FBXL17: variants seen among roughly 807,000 people sequenced by gnomAD.
FBXL17 encodes the protein F-box/LRR-repeat protein 17.
A neutral mutation model predicts 66.2 loss-of-function variants in FBXL17; 22 were observed. The observed-to-expected ratio is 0.33, with a 90% confidence interval of 0.24 to 0.47. FBXL17 has a LOEUF of 0.47. Ranked by LOEUF, FBXL17 falls within the 20% of genes least tolerant of loss-of-function variation. The pLI is 1.00. For synonymous variants in FBXL17, 474 were observed against 400.5 expected (o/e 1.18, Z -2.19); for missense variants, 878 against 948.2 (o/e 0.93, Z 0.97).
intron 7 of FBXL17, among the ~76,000 whole-genome samples, chr5:107,905,011 C>T (rs893073037): frequency 1.2e-4 from 18 of 151,682 alleles, no homozygotes; most frequent in African/African-American, 4.1e-4. Flanking sequence ...AAGTGAGATT[C>T]CTAGCTTCCT....
At chr5:107,867,211 T>C (rs953668731) in intron 8 of FBXL17, among the ~76,000 whole-genome samples, 2 of 152,214 alleles carry the variant, frequency 1.3e-5, no homozygotes, top group Non-Finnish European at 2.9e-5. Context: ...CTTTGGGCTA[T>C]TGTCTTTTCC....
chr5:107,953,460 T>A (rs984609577), intron 7 of FBXL17, among the ~76,000 whole-genome samples: 5 of 151,214 alleles, frequency 3.3e-5, no homozygotes, highest in African/African-American at 9.7e-5. Flanking sequence ...TGACTAAATT[T>A]ACCCATCTAG....
intron 6 of FBXL17, among the ~76,000 whole-genome samples, chr5:108,087,529 T>C (rs1335412194): frequency 2.0e-5 from 3 of 152,122 alleles, no homozygotes; most frequent in Non-Finnish European, 4.4e-5. Context: ...GTTTGAATTT[T>C]ACCTCTGTTC....
chr5:108,113,704 T>C (rs158419), intron 6 of FBXL17, among the ~76,000 whole-genome samples: 6,594 of 152,198 alleles, frequency 0.043, 484 homozygotes, highest in African/African-American at 0.15. Flanking sequence ...ATTTTAGGTA[T>C]ACCTAAATTG....
chr5:108,302,899 TAATG>T (rs1296594046), intron 4 of FBXL17, among the ~76,000 whole-genome samples: 1 of 151,754 alleles, frequency 6.6e-6, no homozygotes, highest in African/African-American at 2.4e-5. Flanking sequence ...AAGTCACAAA[TAATG>T]AATATGTAAT....
intron 6 of FBXL17, among the ~76,000 whole-genome samples, chr5:108,060,070 AAT>A (rs1747863614): frequency 6.6e-6 from 1 of 150,766 alleles, no homozygotes; most frequent in South Asian, 2.1e-4. Flanking sequence ...AAAACATATG[AAT>A]ATATATATTC....
At chr5:108,091,986 C>T (rs1010367653) in intron 6 of FBXL17, among the ~76,000 whole-genome samples, 1 of 152,158 alleles carries the variant, frequency 6.6e-6, no homozygotes, top group Non-Finnish European at 1.5e-5. Flanking sequence ...GTGTTATACA[C>T]CTTTGCCTGG....
intron 7 of FBXL17, among the ~76,000 whole-genome samples, chr5:107,916,856 AT>A (rs1240112530): frequency 9.2e-5 from 14 of 152,198 alleles, no homozygotes; most frequent in Admixed American, 3.9e-4. Context: ...GTGGTTAAAA[AT>A]TTTTGTTTTC....
chr5:108,214,112 G>A (rs1754493578), intron 5 of FBXL17, among the ~76,000 whole-genome samples: 2 of 152,088 alleles, frequency 1.3e-5, no homozygotes, highest in Non-Finnish European at 2.9e-5. Flanking sequence ...TGTTATAATT[G>A]TTCTATTTTA....
At chr5:108,251,090 T>C (rs1756330414) in intron 4 of FBXL17, among the ~76,000 whole-genome samples, 1 of 152,130 alleles carries the variant, frequency 6.6e-6, no homozygotes, top group Admixed American at 6.6e-5. Flanking sequence ...GCACCAATTA[T>C]CTGCAATAAT....
chr5:108,173,256 C>T (rs1014286859), intron 6 of FBXL17, among the ~76,000 whole-genome samples: 1 of 151,798 alleles, frequency 6.6e-6, no homozygotes, highest in African/African-American at 2.4e-5. Context: ...AAAATAATCC[C>T]GGGATGGGGG....
chr5:108,186,036 T>C (rs1258863445), intron 6 of FBXL17, 81 bp downstream of exon 6: 11 of 1,133,834 alleles, frequency 9.7e-6, no homozygotes, highest in South Asian at 1.5e-5. Context: ...ATTTTAGTTA[T>C]AGACATGCCT....
chr5:108,377,839 G>A (rs1184802428), intron 1 of FBXL17, among the ~76,000 whole-genome samples: 2 of 152,154 alleles, frequency 1.3e-5, no homozygotes, highest in Non-Finnish European at 2.9e-5. Flanking sequence ...AGGACTATGT[G>A]GTCTTAAAGG....
At chr5:108,283,455 A>C (rs1757777938) in intron 4 of FBXL17, among the ~76,000 whole-genome samples, 1 of 151,538 alleles carries the variant, frequency 6.6e-6, no homozygotes, top group Non-Finnish European at 1.5e-5. Flanking sequence ...AAAAAGACAA[A>C]TAGTGCTGGA....
intron 5 of FBXL17, among the ~76,000 whole-genome samples, chr5:108,205,980 A>C (rs1433227149): frequency 6.6e-6 from 1 of 152,106 alleles, no homozygotes; most frequent in African/African-American, 2.4e-5. Flanking sequence ...AAGAGTACTT[A>C]AGGTCTGCTG....
At chr5:108,260,420 G>C (rs1330828957) in intron 4 of FBXL17, among the ~76,000 whole-genome samples, 2 of 151,956 alleles carry the variant, frequency 1.3e-5, no homozygotes, top group African/African-American at 2.4e-5. Flanking sequence ...AATAAGAATT[G>C]ATCTAAAAAT....
chr5:108,128,923 TTAC>T (rs757829972), intron 6 of FBXL17, among the ~76,000 whole-genome samples: 94 of 152,262 alleles, frequency 6.2e-4, no homozygotes, highest in Non-Finnish European at 1.2e-3. Flanking sequence ...CCAAGCTCAA[TTAC>T]TACATTTATG....
At chr5:108,160,391 T>C (rs1752163674) in intron 6 of FBXL17, among the ~76,000 whole-genome samples, 1 of 152,206 alleles carries the variant, frequency 6.6e-6, no homozygotes, top group Non-Finnish European at 1.5e-5. Context: ...GACTGACCTT[T>C]TCTCTATAAT....
At chr5:108,183,034 A>ATTTTTTTTTT (rs34101023) in intron 6 of FBXL17, among the ~76,000 whole-genome samples, 2 of 91,556 alleles carry the variant, frequency 2.2e-5, no homozygotes, top group African/African-American at 4.1e-5. Context: ...ACAGTTTTCT[A>ATTTTTTTTTT]TTTTTTTTTT....
Sources: allele counts gnomAD v4.1 joint callset (sites outside exome capture counted in the v4.1 genomes callset), GRCh38; gene constraint gnomAD v4.1.1; transcripts MANE v1.5; gene names NCBI Gene and HGNC (gene_info 2026-07-23, HGNC 2026-07-21).